Variants in TAPT1 observed in about 807,000 individuals in gnomAD.
TAPT1 encodes the protein transmembrane anterior posterior transformation protein 1 homolog.
Under a neutral mutation model 65.6 loss-of-function variants are expected in TAPT1, and 28 were observed. The observed-to-expected ratio is 0.43, with a 90% CI of 0.32 to 0.59. The LOEUF (loss-of-function observed/expected upper bound fraction) is 0.59. Ranked by LOEUF, TAPT1 falls within the 20% of genes least tolerant of loss-of-function variation. TAPT1 has a pLI of 0.09. For synonymous variants in TAPT1, 278 were observed against 245.2 expected (o/e 1.13, Z -1.25); for missense variants, 563 against 679.9 (o/e 0.83, Z 1.91).
chr4:16,202,720 G>A (rs987881505), intron 2 of TAPT1, 140 bp from the exon 3 acceptor site: 21 of 528,148 alleles, frequency 4.0e-5, no homozygotes, highest in African/African-American at 3.9e-4. Flanking sequence ...CAAATTAACA[G>A]TTCTTCTCTT....
intron 1 of TAPT1, among the ~76,000 whole-genome samples, chr4:16,222,810 G>C (rs552339958): frequency 3.4e-4 from 52 of 150,790 alleles, no homozygotes; most frequent in African/African-American, 1.2e-3. Context: ...AGAGGCAAAA[G>C]AGATGGATAA....
chr4:16,202,354 C>T, intron 3 of TAPT1, 108 bp downstream of exon 3: 1 of 637,766 alleles, frequency 1.6e-6, no homozygotes, highest in Non-Finnish European at 2.7e-6. Flanking sequence ...GCATGAAGGG[C>T]CAAAGTGTGG....
chr4:16,191,669 A>C, intron 3 of TAPT1, 146 bp from the exon 4 acceptor site: 1 of 851,442 alleles, frequency 1.2e-6, no homozygotes, highest in Non-Finnish European at 1.7e-6. Flanking sequence ...AAGGGAGGTT[A>C]AACTAAATGA....
At chr4:16,179,831 T>C (rs896810372) in intron 7 of TAPT1, among the ~76,000 whole-genome samples, 174 bp from the exon 8 acceptor site, 5 of 151,974 alleles carry the variant, frequency 3.3e-5, no homozygotes, top group Admixed American at 1.3e-4. Context: ...TGTGTGTATA[T>C]ATAGGCTGGT....
rs920036056 is a variant in TAPT1 at position 16,163,150 on chromosome 4, G to A, written c.*158C>T. ...TGTCCTGTGGTCTGACCCTCAGCCAGGCCATATTACTGGAAGAAAGATACT... is the reference window on the plus strand; with the variant it reads ...TGTCCTGTGGTCTGACCCTCAGCCAAGCCATATTACTGGAAGAAAGATACT... On this transcript the variant is annotated 3_prime_UTR_variant, in exon 14 of 14. Coordinates refer to ENST00000405303, the MANE Select transcript of TAPT1 (RefSeq NM_153365.3). 1 of 671,240 alleles carries A rather than the reference G, an allele frequency of 1.5e-6. No individual in the cohort carries two copies. Among genetic ancestry groups the A allele is most frequent in the Non-Finnish European group, 2.6e-6 (1 of 377,722 alleles). 41.6% of individuals were successfully genotyped at this position (671,240 alleles called of 1,614,324 possible).
intron 1 of TAPT1, among the ~76,000 whole-genome samples, chr4:16,222,885 T>A (rs1341373398): frequency 6.6e-6 from 1 of 152,212 alleles, no homozygotes; most frequent in Non-Finnish European, 1.5e-5. Flanking sequence ...CATGGCACTG[T>A]TACCAGTAGA....
At chr4:16,178,454 T>C (rs772861172) in intron 8 of TAPT1, among the ~76,000 whole-genome samples, 7 of 152,166 alleles carry the variant, frequency 4.6e-5, no homozygotes, top group Non-Finnish European at 1.0e-4. Flanking sequence ...ATAAATGAAA[T>C]CCAAAACATG....
At chr4:16,226,191 G>A (rs1434418419) in intron 1 of TAPT1, 68 bp downstream of exon 1, 1 of 1,077,340 alleles carries the variant, frequency 9.3e-7, no homozygotes, top group Non-Finnish European at 1.1e-6. Context: ...GTTCCAAGGC[G>A]CCCCCGCCGC....
At chr4:16,173,716 A>G (rs1056631526) in intron 11 of TAPT1, among the ~76,000 whole-genome samples, 1 of 152,228 alleles carries the variant, frequency 6.6e-6, no homozygotes, top group African/African-American at 2.4e-5. Context: ...ATTATTACAA[A>G]TGTCACTGAA....
At chr4:16,169,745 A>G (rs1221146689) in intron 12 of TAPT1, among the ~76,000 whole-genome samples, 1 of 152,236 alleles carries the variant, frequency 6.6e-6, no homozygotes, top group Non-Finnish European at 1.5e-5. Flanking sequence ...GTAAGTGACT[A>G]TTCTCATGCT....
chr4:16,196,689 T>A (rs1290923050), intron 3 of TAPT1: 14 of 1,288,894 alleles, frequency 1.1e-5, no homozygotes, highest in Non-Finnish European at 1.4e-5. Flanking sequence ...CACATTCCAT[T>A]CTATAAAGGA....
chr4:16,222,028 A>G (rs966909729), intron 1 of TAPT1, among the ~76,000 whole-genome samples: 4 of 152,238 alleles, frequency 2.6e-5, no homozygotes, highest in Admixed American at 6.5e-5. Flanking sequence ...ACATGTATAG[A>G]TGGAAAACAG....
At chr4:16,181,203 G>A (rs1236467825) in intron 7 of TAPT1, among the ~76,000 whole-genome samples, 4 of 152,166 alleles carry the variant, frequency 2.6e-5, no homozygotes, top group Non-Finnish European at 5.9e-5. Flanking sequence ...TCTTTAATTG[G>A]AATTCTGTAG....
intron 7 of TAPT1, among the ~76,000 whole-genome samples, chr4:16,185,852 ATC>A (rs1748984076): frequency 6.6e-6 from 1 of 152,086 alleles, no homozygotes; most frequent in Non-Finnish European, 1.5e-5. Flanking sequence ...TCTATTGTAC[ATC>A]TGTCTGGATT....
chr4:16,223,596 A>G (rs538678467), intron 1 of TAPT1, among the ~76,000 whole-genome samples: 215 of 152,334 alleles, frequency 1.4e-3, no homozygotes, highest in African/African-American at 5.0e-3. Flanking sequence ...GCGTCAGCCT[A>G]TTGCCAGGCT....
At chr4:16,184,396 G>C (rs1469618468) in intron 7 of TAPT1, among the ~76,000 whole-genome samples, 1 of 152,158 alleles carries the variant, frequency 6.6e-6, no homozygotes, top group Non-Finnish European at 1.5e-5. Flanking sequence ...TGGATATACA[G>C]TTTGTTTATT....
chr4:16,172,751 T>A (rs571284416), intron 11 of TAPT1, among the ~76,000 whole-genome samples: 27 of 152,270 alleles, frequency 1.8e-4, no homozygotes, highest in African/African-American at 6.3e-4. Flanking sequence ...CTGATTTGCA[T>A]GAGACTGCAG....
chr4:16,226,073 C>G (rs1285840786), intron 1 of TAPT1, 186 bp downstream of exon 1: 15 of 1,021,252 alleles, frequency 1.5e-5, no homozygotes, highest in South Asian at 4.6e-5. Context: ...GCAACCCGCC[C>G]GAGGAACTGT....
At chr4:16,205,921 T>C (rs1370390200) in intron 2 of TAPT1, among the ~76,000 whole-genome samples, 1 of 152,208 alleles carries the variant, frequency 6.6e-6, no homozygotes, top group Non-Finnish European at 1.5e-5. Flanking sequence ...AAGAGGTACC[T>C]GAAGATGATT....
Sources: gnomAD v4.1 joint callset for allele counts (sites outside exome capture counted in the v4.1 genomes callset) on GRCh38, gnomAD v4.1.1 for gene constraint, MANE v1.5 for transcripts, NCBI Gene and HGNC (gene_info 2026-07-23, HGNC 2026-07-21) for gene names.